The following STXBP5L variants were observed in gnomAD, a reference collection of about 807,000 sequenced individuals.
STXBP5L encodes the protein syntaxin binding protein 5L, also known as syntaxin-binding protein 5-like.
Under a neutral mutation model 144.5 loss-of-function variants are expected in STXBP5L, and 65 were observed. The observed-to-expected ratio is 0.45, with a 90% CI of 0.37 to 0.55. The LOEUF (loss-of-function observed/expected upper bound fraction) is 0.55. STXBP5L is among the 20% of genes least tolerant of loss of function. STXBP5L has a pLI of 0.00. For synonymous variants in STXBP5L, 505 were observed against 469.6 expected (o/e 1.08, Z -0.97); for missense variants, 1,298 against 1,405.5 (o/e 0.92, Z 1.22).
intron 3 of STXBP5L, among the ~76,000 whole-genome samples, chr3:121,040,682 T>C (rs1380763057): frequency 1.3e-5 from 2 of 152,100 alleles, no homozygotes; most frequent in Non-Finnish European, 2.9e-5. Flanking sequence ...CTGTTAATTC[T>C]GTCTCCCCAT....
intron 9 of STXBP5L, among the ~76,000 whole-genome samples, chr3:121,198,825 T>C (rs1364293779): frequency 6.6e-6 from 1 of 152,198 alleles, no homozygotes; most frequent in Non-Finnish European, 1.5e-5. Context: ...GAGGTCTTTG[T>C]TCTGTTTCAT....
intron 2 of STXBP5L, among the ~76,000 whole-genome samples, chr3:120,943,608 A>T (rs547822346): frequency 6.6e-6 from 1 of 151,816 alleles, no homozygotes; most frequent in South Asian, 2.1e-4. Flanking sequence ...TATCTTATTT[A>T]GTGTTTTGCA....
chr3:120,974,470 A>C (rs1474243764), intron 3 of STXBP5L, among the ~76,000 whole-genome samples: 1 of 148,564 alleles, frequency 6.7e-6, no homozygotes, highest in Non-Finnish European at 1.5e-5. Context: ...AGGTTGCAAA[A>C]ATATTCTCCC....
rs115908828 is a variant in STXBP5L at position 121,147,615 on chromosome 3, T to C, written c.670-4862T>C. 3.2e-3 allele frequency among the ~76,000 whole-genome samples: 490 copies of C among 152,244 alleles called. 2 individuals are homozygous for C. The highest frequency in any genetic ancestry group is 3.7e-3 in the Admixed American group (56 of 15,266). ...TAGAAAGATAACAATAAAGATATAA[T>C]GGTTAATTTTATGTGTCAACTTGAC... On this transcript the variant is annotated intron_variant, in intron 7 of 26. Coordinates refer to ENST00000471454, the MANE Select transcript of STXBP5L (RefSeq NM_001308330.2).
chr3:121,344,515 G>C (rs1010965667), intron 20 of STXBP5L, among the ~76,000 whole-genome samples: 1 of 151,972 alleles, frequency 6.6e-6, no homozygotes, highest in African/African-American at 2.4e-5. Context: ...GAGAGGCCAT[G>C]GTTAAAGGAC....
At chr3:121,186,764 G>A (rs1178518347) in intron 9 of STXBP5L, among the ~76,000 whole-genome samples, 1 of 152,100 alleles carries the variant, frequency 6.6e-6, no homozygotes, top group Non-Finnish European at 1.5e-5. Context: ...GGTATGAACA[G>A]ACGCTTCTCA....
At chr3:121,033,239 C>A (rs1946500530) in intron 3 of STXBP5L, among the ~76,000 whole-genome samples, 1 of 137,072 alleles carries the variant, frequency 7.3e-6, no homozygotes, top group Non-Finnish European at 1.6e-5. Flanking sequence ...TACTATGCAG[C>A]CATAAAAAAT....
intron 3 of STXBP5L, among the ~76,000 whole-genome samples, chr3:121,028,334 ATAT>A (rs557716268): frequency 4.6e-5 from 7 of 152,008 alleles, no homozygotes; most frequent in Admixed American, 1.3e-4. Flanking sequence ...TCTCTAGTTG[ATAT>A]TATTAGTAAT....
chr3:121,405,279 T>C (rs184319228), intron 22 of STXBP5L, among the ~76,000 whole-genome samples: 48 of 152,186 alleles, frequency 3.2e-4, no homozygotes, highest in African/African-American at 1.1e-3. Context: ...TTTATCTACC[T>C]TTTTTCAAGA....
chr3:121,418,283 GACTGTTTGAATT>G, intron 25 of STXBP5L, 42 bp from the exon 26 acceptor site: 3 of 1,539,782 alleles, frequency 1.9e-6, no homozygotes, highest in East Asian at 2.3e-5. Context: ...TGACAAGCTT[GACTGTTTGAATT>G]ACTGACAAAA....
intron 3 of STXBP5L, among the ~76,000 whole-genome samples, chr3:120,959,801 C>T (rs1033277644): frequency 6.6e-6 from 1 of 151,992 alleles, no homozygotes; most frequent in Non-Finnish European, 1.5e-5. Context: ...CCATAAAAAC[C>T]CTAGAAGAAA....
chr3:121,161,715 A>AT (rs1366288780), intron 9 of STXBP5L, among the ~76,000 whole-genome samples: 2 of 151,950 alleles, frequency 1.3e-5, no homozygotes, highest in African/African-American at 4.8e-5. Context: ...TCAAATGTGT[A>AT]TTTTTCAATT....
At chr3:121,293,649 CAGG>C (rs1223346127) in intron 19 of STXBP5L, among the ~76,000 whole-genome samples, 2 of 152,150 alleles carry the variant, frequency 1.3e-5, no homozygotes, top group African/African-American at 4.8e-5. Flanking sequence ...CACCTGAGGT[CAGG>C]AGTTCAAGAC....
intron 20 of STXBP5L, among the ~76,000 whole-genome samples, chr3:121,353,607 A>G (rs1403514783): frequency 2.0e-5 from 3 of 151,978 alleles, no homozygotes; most frequent in Admixed American, 1.3e-4. Context: ...TGGTCTATCA[A>G]TTTTGTTGAT....
At chr3:121,156,068 T>C (rs2046101161) in intron 8 of STXBP5L, among the ~76,000 whole-genome samples, 1 of 151,916 alleles carries the variant, frequency 6.6e-6, no homozygotes, top group Non-Finnish European at 1.5e-5. Context: ...AAAAAAAGTA[T>C]TTTATCTCTA....
chr3:121,205,501 A>C (rs1409740769), intron 9 of STXBP5L, among the ~76,000 whole-genome samples: 6 of 152,322 alleles, frequency 3.9e-5, no homozygotes, highest in Non-Finnish European at 7.4e-5. Context: ...TTGGGGATTA[A>C]GTTTCCAACA....
At chr3:121,103,659 A>T (rs575484970) in intron 5 of STXBP5L, among the ~76,000 whole-genome samples, 1 of 152,320 alleles carries the variant, frequency 6.6e-6, no homozygotes, top group South Asian at 2.1e-4. Context: ...AATTATTTTT[A>T]AAAACCACAA....
At chr3:121,010,623 CT>C (rs2108128908) in intron 3 of STXBP5L, among the ~76,000 whole-genome samples, 1 of 151,708 alleles carries the variant, frequency 6.6e-6, no homozygotes, top group South Asian at 2.1e-4. Flanking sequence ...ACTTTTGACT[CT>C]ACAAAAACTT....
chr3:121,102,136 C>T (rs1276541649), intron 5 of STXBP5L, among the ~76,000 whole-genome samples: 2 of 152,004 alleles, frequency 1.3e-5, no homozygotes, highest in African/African-American at 2.4e-5. Flanking sequence ...GCCATACTTC[C>T]CAAAGCAATG....
Sources: allele counts gnomAD v4.1 joint callset (sites outside exome capture counted in the v4.1 genomes callset), GRCh38; gene constraint gnomAD v4.1.1; transcripts MANE v1.5; gene names NCBI Gene and HGNC (gene_info 2026-07-23, HGNC 2026-07-21).